Variants in TLL2 observed in about 807,000 individuals in gnomAD.
TLL2 encodes tolloid like 2.
Under a neutral mutation model 123.0 loss-of-function variants are expected in TLL2, and 106 were observed. The ratio of observed to expected loss-of-function variants is 0.86; its 90% CI spans 0.74 to 1.01. TLL2 has a LOEUF of 1.01. Among genes scored for constraint, TLL2 ranks in the 50% least tolerant of loss-of-function variants. The pLI, the probability that TLL2 is intolerant of heterozygous loss-of-function variation, is 0.00. For missense variants in TLL2, 1,332 were observed against 1,336.7 expected (o/e 1.00, Z 0.06); for synonymous variants, 494 against 516.8 (o/e 0.96, Z 0.60).
At chr10:96,369,925 C>T (rs1056782246) in intron 20 of TLL2, 140 bp downstream of exon 20, 2 of 1,243,438 alleles carry the variant, frequency 1.6e-6, no homozygotes, top group South Asian at 1.7e-5. Flanking sequence ...CTTCCCACTC[C>T]GCTTCTGCAG....
intron 2 of TLL2, among the ~76,000 whole-genome samples, chr10:96,472,426 G>A (rs1408588410): frequency 6.6e-6 from 1 of 152,184 alleles, no homozygotes; most frequent in Non-Finnish European, 1.5e-5. Flanking sequence ...CACAGGGGCA[G>A]AGGCTGAAAA....
At chr10:96,420,160 G>A (rs1370240823) in intron 7 of TLL2, among the ~76,000 whole-genome samples, 1 of 152,206 alleles carries the variant, frequency 6.6e-6, no homozygotes, top group East Asian at 1.9e-4. Context: ...TTTAACAGGA[G>A]ACTGAAGAGA....
rs368722632 is a variant in TLL2, at chr10:96,388,116, G to T, written c.1727-1038C>A. Among the ~76,000 whole-genome samples, 33 of 152,250 alleles carry T rather than the reference G, an allele frequency of 2.2e-4. No individual in the cohort carries two copies. In the East Asian group the frequency reaches 5.4e-3, roughly 25 times the overall value. ...AAGGTAGGAACACAGTAAGTATAAA[G>T]TTGTTGGCCAGGCACGGTGGCTCAC... On this transcript the variant is annotated intron_variant, in intron 13 of 20. Transcript: ENST00000357947.
At chr10:96,409,957 G>C (rs1011756168) in intron 9 of TLL2, among the ~76,000 whole-genome samples, 3 of 152,194 alleles carry the variant, frequency 2.0e-5, no homozygotes, top group Admixed American at 2.0e-4. Flanking sequence ...GTGTCAACAG[G>C]GATGTTCTTT....
At position 96,513,498 on chromosome 10, in the gene TLL2, C is replaced by A. The variant is rs1847652379; in HGVS notation, c.175+13G>T. ...GCAAACTTCTGCGGGACTTCCCCAGCGGCGGCACCTACCGGCTTTGCAAGG... is the reference window on the plus strand; with the variant it reads ...GCAAACTTCTGCGGGACTTCCCCAGAGGCGGCACCTACCGGCTTTGCAAGG... On this transcript the variant is annotated intron_variant, in intron 1 of 20. Coordinates refer to ENST00000357947, the MANE Select transcript of TLL2 (RefSeq NM_012465.4). The A allele has an allele frequency of 6.2e-7, 1 of 1,611,696 alleles. No individual in the cohort carries two copies. Among genetic ancestry groups the A allele is most frequent in the South Asian group, 1.1e-5 (1 of 91,056 alleles).
At position 96,404,316 on chromosome 10, in the gene TLL2, T is replaced by C. The variant is rs531207637; in HGVS notation, c.1267+916A>G. Among the ~76,000 whole-genome samples the C allele has an allele frequency of 3.3e-5, 5 of 151,326 alleles. 1 individual carries two copies. The South Asian group carries it at 1.0e-3, about 32-fold the overall frequency. On this transcript the variant is annotated intron_variant, in intron 10 of 20. Transcript: ENST00000357947. Reference sequence around the variant, plus strand: ...CTTGTTACACCACCTGCCCACTGTGTCTCACTCAAAGCTCTAAGCTAACTT... The same window carrying C: ...CTTGTTACACCACCTGCCCACTGTGCCTCACTCAAAGCTCTAAGCTAACTT...
intron 6 of TLL2, among the ~76,000 whole-genome samples, chr10:96,421,661 C>G (rs769100499): frequency 3.3e-5 from 4 of 121,498 alleles, no homozygotes; most frequent in Admixed American, 8.0e-5. Context: ...AAGACTCTGT[C>G]TCAAAAAAAA....
intron 10 of TLL2, among the ~76,000 whole-genome samples, chr10:96,397,870 C>G (rs1318878549): frequency 6.6e-6 from 1 of 152,168 alleles, no homozygotes; most frequent in African/African-American, 2.4e-5. Flanking sequence ...GGAGGAGTGA[C>G]AGGACTAGCG....
intron 2 of TLL2, among the ~76,000 whole-genome samples, chr10:96,462,623 G>A (rs1041019038): frequency 1.3e-5 from 2 of 152,118 alleles, no homozygotes; most frequent in South Asian, 2.1e-4. Flanking sequence ...TTCATCAACC[G>A]ATAGATACAT....
At chr10:96,434,214 C>A (rs115536817) in intron 3 of TLL2, among the ~76,000 whole-genome samples, 1,546 of 152,212 alleles carry the variant, frequency 0.01, 29 homozygotes, top group African/African-American at 0.033. Flanking sequence ...TTCACACACC[C>A]TATTTAGCCT....
At chr10:96,473,036 G>A (rs939117696) in intron 2 of TLL2, among the ~76,000 whole-genome samples, 1 of 145,992 alleles carries the variant, frequency 6.8e-6, no homozygotes, top group Non-Finnish European at 1.5e-5. Context: ...AAGTTAGAAT[G>A]TGGTTCCATC....
intron 3 of TLL2, among the ~76,000 whole-genome samples, chr10:96,434,565 A>G (rs1291502021): frequency 6.6e-6 from 1 of 152,256 alleles, no homozygotes; most frequent in Non-Finnish European, 1.5e-5. Context: ...TGCACATACC[A>G]CATTTTGTTT....
At chr10:96,452,393 G>A (rs1326302569) in intron 2 of TLL2, among the ~76,000 whole-genome samples, 2 of 152,200 alleles carry the variant, frequency 1.3e-5, no homozygotes, top group African/African-American at 4.8e-5. Context: ...GGCTGGAGCT[G>A]GGGCTGGCGA....
intron 1 of TLL2, among the ~76,000 whole-genome samples, chr10:96,504,430 C>T (rs961762226): frequency 1.3e-4 from 19 of 151,852 alleles, no homozygotes; most frequent in African/African-American, 4.1e-4. Context: ...GCTGATATGG[C>T]GAAACTCCAT....
In TLL2 at chr10:96,513,922, A is replaced by G. The variant is rs1847659178; in HGVS notation, c.-237T>C. The G allele has an allele frequency of 4.0e-6, 2 of 497,484 alleles. No individual in the cohort carries two copies. The highest frequency in any genetic ancestry group is 6.9e-6 in the Non-Finnish European group (2 of 288,260). 30.8% of individuals were successfully genotyped at this position (497,484 alleles called of 1,614,324 possible). A position where few individuals can be genotyped will look rare whatever the true frequency, so the allele number is the denominator to read the frequency against. On this transcript the variant is annotated 5_prime_UTR_variant, in exon 1 of 21. Transcript: ENST00000357947. ...GGCGGCCGAGGCTGCGGCGGCTGCG[A>G]GTGTGGCGGTGGCGGCGGTGGTTGG...
At chr10:96,508,504 C>T (rs898274729) in intron 1 of TLL2, among the ~76,000 whole-genome samples, 1 of 152,206 alleles carries the variant, frequency 6.6e-6, no homozygotes, top group African/African-American at 2.4e-5. Context: ...TTTATCCTAT[C>T]CTAACATGGG....
intron 10 of TLL2, among the ~76,000 whole-genome samples, chr10:96,404,240 C>T (rs1229599767): frequency 6.6e-6 from 1 of 152,150 alleles, no homozygotes; most frequent in Non-Finnish European, 1.5e-5. Flanking sequence ...GAAATACCCA[C>T]AGGTGTGGAG....
chr10:96,513,550 C>T lies in TLL2; in HGVS notation c.136G>A (p.Glu46Lys). 6.2e-7 allele frequency: 1 copy of T among 1,612,414 alleles called. No homozygotes were observed. Among genetic ancestry groups the T allele is most frequent in the South Asian group, 1.1e-5 (1 of 91,078 alleles). ...YSELDGEEGT[E>K]QQLEHYHDPC... ...TCGTGGTAATGCTCCAGCTGCTGCT[C>T]CGTGCCCTCCTCGCCGTCCAGCTCT... Residue 46 changes from glutamate (E) to lysine (K), a missense_variant, in exon 1 of 21, where the codon GAG becomes AAG. Physicochemically the swap from Glu to Lys is moderately conservative, Grantham distance 56. Transcript: ENST00000357947.
chr10:96,380,391 G>A (rs185003951), intron 16 of TLL2, among the ~76,000 whole-genome samples: 3 of 152,198 alleles, frequency 2.0e-5, no homozygotes, highest in African/African-American at 7.2e-5. Flanking sequence ...ACCTGCTTAT[G>A]TTATCAGGAC....
Sources: allele counts gnomAD v4.1 joint callset (sites outside exome capture counted in the v4.1 genomes callset), GRCh38; gene constraint gnomAD v4.1.1; transcripts MANE v1.5; gene names NCBI Gene and HGNC (gene_info 2026-07-23, HGNC 2026-07-21).